The following BCAS3 variants were observed in gnomAD, a reference collection of about 807,000 sequenced individuals.
BCAS3 encodes the protein BCAS3 microtubule associated cell migration factor.
A neutral mutation model predicts 116.1 loss-of-function variants in BCAS3; 53 were observed. That is an observed-to-expected ratio of 0.46 (90% CI 0.37 to 0.57). The LOEUF (loss-of-function observed/expected upper bound fraction) is 0.57, where lower values mean the gene tolerates loss of function less well. Ranked by LOEUF, BCAS3 falls within the 20% of genes least tolerant of loss-of-function variation. The probability of loss-of-function intolerance (pLI) is 0.00; values close to 1 mark genes in which losing one functional copy is unlikely to be tolerated. For synonymous variants in BCAS3, 391 were observed against 408.2 expected (o/e 0.96, Z 0.51); for missense variants, 917 against 1,165.4 (o/e 0.79, Z 3.10).
chr17:61,287,974 A>G (rs140487218), intron 22 of BCAS3, among the ~76,000 whole-genome samples: 3 of 152,352 alleles, frequency 2.0e-5, no homozygotes, highest in African/African-American at 7.2e-5. Context: ...AGTAACTTGC[A>G]GAGGAATCGG....
At chr17:60,688,380 G>A (rs2034366716) in intron 3 of BCAS3, among the ~76,000 whole-genome samples, 1 of 152,032 alleles carries the variant, frequency 6.6e-6, no homozygotes, top group Admixed American at 6.6e-5. Flanking sequence ...GCTCACTGCG[G>A]CCTCAATTTC....
intron 22 of BCAS3, among the ~76,000 whole-genome samples, chr17:61,197,680 A>G (rs2080562995): frequency 6.6e-6 from 1 of 152,208 alleles, no homozygotes; most frequent in South Asian, 2.1e-4. Context: ...ACATCTTCCA[A>G]CTATATACAC....
chr17:61,123,112 T>G (rs553375933), intron 22 of BCAS3, among the ~76,000 whole-genome samples: 1 of 152,168 alleles, frequency 6.6e-6, no homozygotes, highest in East Asian at 1.9e-4. Context: ...CAACTGATTT[T>G]TTGTACTTTT....
rs753865757 is a variant in BCAS3 at position 61,251,495 on chromosome 17, G to A, written c.2426-116832G>A. 3.9e-5 allele frequency among the ~76,000 whole-genome samples: 6 copies of A among 151,960 alleles called. No individual in the cohort carries two copies. Among genetic ancestry groups the A allele is most frequent in the South Asian group, 2.1e-4 (1 of 4,812 alleles). ...TGAGGCAGGAGAATCACTTGAACGC[G>A]GGATGCAGAGGTTGCAGTGAGCCGA... is the stretch of plus-strand genomic sequence containing the variant. On this transcript the variant is annotated intron_variant, in intron 22 of 23. Transcript: ENST00000407086. The surrounding 1 kb of genome is among the most constrained non-coding windows in gnomAD (Gnocchi z 4.7).
chr17:61,339,729 G>C lies in BCAS3; in HGVS notation c.2426-28598G>C, dbSNP rs567952942. 3.3e-5 allele frequency among the ~76,000 whole-genome samples: 5 copies of C among 151,060 alleles called. No individual in the cohort carries two copies. The highest frequency in any genetic ancestry group is 2.0e-4 in the Admixed American group (3 of 15,134). ...TACAGTGAGCTGAGATCGCGCCACT[G>C]TACTCCAGTCGGGGCGACAAAGCGA... is the stretch of plus-strand genomic sequence containing the variant. On this transcript the variant is annotated intron_variant, in intron 22 of 23. Transcript: ENST00000407086. This position sits in a 1 kb window ranked among gnomAD's most constrained non-coding sequence, Gnocchi z 4.4.
intron 22 of BCAS3, among the ~76,000 whole-genome samples, chr17:61,157,815 A>G (rs567357673): frequency 1.3e-5 from 2 of 152,358 alleles, no homozygotes; most frequent in South Asian, 4.1e-4. Flanking sequence ...CCCTTGGTGC[A>G]GGAAGACCTT....
Position 61,084,335 on chromosome 17 carries a change from T to G in BCAS3, c.2328-132T>G, listed in dbSNP as rs2072906917. The G allele has an allele frequency of 3.0e-6, 2 of 658,048 alleles. No homozygotes were observed. Among genetic ancestry groups the G allele is most frequent in the Non-Finnish European group, 5.1e-6 (2 of 393,656 alleles). The allele number at this position is 658,048 out of a possible 1,614,324, so 40.8% of individuals were successfully genotyped here. A position where few individuals can be genotyped will look rare whatever the true frequency, so the allele number is the denominator to read the frequency against. ...GCAATTAGGGACTGCAGCTCCCCTG[T>G]TTGTCTTGTTTTAGAATGGATGGTT... On this transcript the variant is annotated intron_variant, in intron 21 of 23. Coordinates refer to ENST00000407086, the MANE Select transcript of BCAS3 (RefSeq NM_017679.5). The surrounding 1 kb of genome is among the most constrained non-coding windows in gnomAD (Gnocchi z 5.5).
intron 19 of BCAS3, chr17:61,070,359 A>C (rs1170447521): frequency 1.7e-6 from 1 of 574,122 alleles, no homozygotes; most frequent in Admixed American, 2.0e-5. Flanking sequence ...CCAGCTGCCT[A>C]ATTCTGAATA....
chr17:60,891,863 A>G (rs1367325719), intron 10 of BCAS3: 2 of 373,584 alleles, frequency 5.4e-6, no homozygotes, highest in Non-Finnish European at 1.1e-5. Flanking sequence ...ATGTGTACCC[A>G]TTGTTTAGCT....
chr17:61,257,258 A>G (rs2048853258), intron 22 of BCAS3, among the ~76,000 whole-genome samples: 1 of 151,956 alleles, frequency 6.6e-6, no homozygotes, highest in South Asian at 2.1e-4. Context: ...CATCTCTACT[A>G]ATAATACAAA....
At chr17:60,991,577 G>A (rs975230226) in intron 15 of BCAS3, among the ~76,000 whole-genome samples, 1 of 152,100 alleles carries the variant, frequency 6.6e-6, no homozygotes, top group Non-Finnish European at 1.5e-5. Context: ...TCAAGATTGG[G>A]GAATCTTATA....
intron 7 of BCAS3, among the ~76,000 whole-genome samples, chr17:60,845,866 A>C (rs2052477790): frequency 6.6e-6 from 1 of 150,422 alleles, no homozygotes; most frequent in Non-Finnish European, 1.5e-5. Flanking sequence ...TCCTGGGCTC[A>C]AGTGATTCTC....
At chr17:61,242,868 A>C (rs1373428000) in intron 22 of BCAS3, among the ~76,000 whole-genome samples, 2 of 152,006 alleles carry the variant, frequency 1.3e-5, no homozygotes, top group Non-Finnish European at 2.9e-5. Context: ...AAAACCCAAA[A>C]AACTTTATTG....
At position 60,679,540 on chromosome 17, in the gene BCAS3, C is replaced by T. The variant is rs370101729; in HGVS notation, c.83C>T (p.Thr28Ile). 1.2e-6 allele frequency: 2 copies of T among 1,608,320 alleles called. No individual in the cohort carries two copies. The highest frequency in any genetic ancestry group is 1.7e-6 in the Non-Finnish European group (2 of 1,175,412). Residue 28 changes from threonine (T) to isoleucine (I), a missense_variant and splice_region_variant, in exon 2 of 24, where the codon ACA becomes ATA. Physicochemically the swap from Thr to Ile is moderately conservative, Grantham distance 89. Coordinates refer to ENST00000407086, the MANE Select transcript of BCAS3 (RefSeq NM_017679.5). ...GTTGTGGTTCGCCCCCAGGCTGTCACGTAAGCACATTTCAGATAAACCCAA... is the reference window on the plus strand; with the variant it reads ...GTTGTGGTTCGCCCCCAGGCTGTCATGTAAGCACATTTCAGATAAACCCAA... Reference protein sequence around the residue: ...GGVVVRPQAVTEQSYMESVVT... With the variant: ...GGVVVRPQAVIEQSYMESVVT...
chr17:60,901,196 G>C (rs2057870153), intron 10 of BCAS3, among the ~76,000 whole-genome samples: 1 of 151,448 alleles, frequency 6.6e-6, no homozygotes, highest in African/African-American at 2.4e-5. Flanking sequence ...GGGTGACGGA[G>C]TGAGACTCTG....
At chr17:60,785,053 C>A (rs545227239) in intron 6 of BCAS3, among the ~76,000 whole-genome samples, 12 of 152,226 alleles carry the variant, frequency 7.9e-5, no homozygotes, top group African/African-American at 2.9e-4. Context: ...GAGCTGAGAT[C>A]GTGCCATTGC....
At chr17:60,802,283 C>CA (rs1174016996) in intron 6 of BCAS3, among the ~76,000 whole-genome samples, 2,530 of 107,788 alleles carry the variant, frequency 0.023, 70 homozygotes, top group African/African-American at 0.073. Context: ...GACTCTGTCT[C>CA]AAAAAAAAAA....
At chr17:60,683,609 A>G (rs1598016716) in intron 2 of BCAS3, among the ~76,000 whole-genome samples, 1 of 132,932 alleles carries the variant, frequency 7.5e-6, no homozygotes, top group African/African-American at 2.8e-5. Context: ...AGGCGGGAGG[A>G]TCGCTTGAGC....
At chr17:61,155,547 C>A (rs2077785691) in intron 22 of BCAS3, among the ~76,000 whole-genome samples, 1 of 151,320 alleles carries the variant, frequency 6.6e-6, no homozygotes, top group South Asian at 2.1e-4. Context: ...ATTGGTCACC[C>A]AGAGCTGCTC....
Sources: allele counts gnomAD v4.1 joint callset (sites outside exome capture counted in the v4.1 genomes callset), GRCh38; gene constraint gnomAD v4.1.1; non-coding constraint Gnocchi (gnomAD v3.1); transcripts MANE v1.5; gene names NCBI Gene and HGNC (gene_info 2026-07-23, HGNC 2026-07-21).